TCF7L1: variants seen among roughly 807,000 people sequenced by gnomAD.
TCF7L1 encodes the protein transcription factor 7 like 1.
A neutral mutation model predicts 63.7 loss-of-function variants in TCF7L1; 18 were observed. The ratio of observed to expected loss-of-function variants is 0.28; its 90% CI spans 0.20 to 0.42. The LOEUF (loss-of-function observed/expected upper bound fraction) is 0.42. Ranked by LOEUF, TCF7L1 falls within the 10% of genes least tolerant of loss-of-function variation. TCF7L1 has a pLI of 1.00. For missense variants in TCF7L1, 654 were observed against 779.3 expected (o/e 0.84, Z 1.91); for synonymous variants, 355 against 340.9 (o/e 1.04, Z -0.46).
At chr2:85,298,310 G>A (rs1403420126) in intron 4 of TCF7L1, among the ~76,000 whole-genome samples, 2 of 151,494 alleles carry the variant, frequency 1.3e-5, no homozygotes, top group African/African-American at 2.4e-5. Flanking sequence ...GGCCAACATG[G>A]TGAAACCCCG....
intron 3 of TCF7L1, among the ~76,000 whole-genome samples, chr2:85,241,437 GTTTTTTTTT>G (rs772334481): frequency 2.4e-5 from 2 of 83,072 alleles, no homozygotes; most frequent in South Asian, 1.0e-3. Context: ...CTTTGTTTTT[GTTTTTTTTT>G]TTTTTTTTTT....
rs771681710 is a variant in TCF7L1, at chr2:85,134,430, T to C, written c.421T>C (p.Ser141Pro). Residue 141 changes from serine (S) to proline (P), a missense_variant, in exon 3 of 12, where the codon TCT becomes CCT. Ser to Pro is a moderately conservative substitution (Grantham distance 74). Coordinates refer to ENST00000282111, the MANE Select transcript of TCF7L1 (RefSeq NM_031283.3). The surrounding 1 kb of genome is among the most constrained non-coding windows in gnomAD (Gnocchi z 5.0). ...SSPYLSNGPL[S>P]PGGARTYLQM... ...CCCGTACCTCTCCAACGGACCCCTG[T>C]CTCCCGGAGGAGCGCGCACCGTGAG... 6.3e-5 allele frequency: 98 copies of C among 1,558,728 alleles called. No homozygotes were observed. Among genetic ancestry groups the C allele is most frequent in the Non-Finnish European group, 5.2e-6 (6 of 1,151,198 alleles).
Position 85,310,340 on chromosome 2 carries a change from G to GTTGT in TCF7L1, c.*881_*884dup, listed in dbSNP as rs1320001109. 1 of 152,546 alleles carries GTTGT rather than the reference G, an allele frequency of 6.6e-6. No homozygotes were observed. Among genetic ancestry groups the GTTGT allele is most frequent in the East Asian group, 1.9e-4 (1 of 5,202 alleles). 9.4% of individuals were successfully genotyped at this position (152,546 alleles called of 1,614,324 possible). ...GTTTTTGGAGCAATTTAAACTCCCA[G>GTTGT]TTGTTTATTTTCACAAAAGAAAATA... On this transcript the variant is annotated 3_prime_UTR_variant, in exon 12 of 12. Coordinates refer to ENST00000282111, the MANE Select transcript of TCF7L1 (RefSeq NM_031283.3).
rs562177932 is a variant in TCF7L1 at position 85,247,138 on chromosome 2, C to G, written c.442-36357C>G. Among the ~76,000 whole-genome samples, 5 of 152,294 alleles carry G rather than the reference C, an allele frequency of 3.3e-5. 1 individual carries two copies. Among genetic ancestry groups the G allele is most frequent in the African/African-American group, 1.2e-4 (5 of 41,540 alleles). On this transcript the variant is annotated intron_variant, in intron 3 of 11. Transcript: ENST00000282111. ...AAGTACACCATGCTAGTGAGCAGTTCAACAGAATCCATTTTCTTAGAGAAA... is the reference window on the plus strand; with the variant it reads ...AAGTACACCATGCTAGTGAGCAGTTGAACAGAATCCATTTTCTTAGAGAAA...
At chr2:85,229,327 C>CA (rs1680023436) in intron 3 of TCF7L1, among the ~76,000 whole-genome samples, 1 of 152,072 alleles carries the variant, frequency 6.6e-6, no homozygotes, top group South Asian at 2.1e-4. Flanking sequence ...AGCTGGGAGA[C>CA]AGAGCGAGAC....
At chr2:85,140,899 A>G (rs545260600) in intron 3 of TCF7L1, among the ~76,000 whole-genome samples, 11 of 95,094 alleles carry the variant, frequency 1.2e-4, no homozygotes, top group East Asian at 7.5e-4. Context: ...ATAAGAGCGA[A>G]AGAGAGAGAG....
At chr2:85,176,752 T>C (rs930404451) in intron 3 of TCF7L1, among the ~76,000 whole-genome samples, 11 of 152,148 alleles carry the variant, frequency 7.2e-5, no homozygotes, top group Non-Finnish European at 1.3e-4. Flanking sequence ...TTCAGGAGGC[T>C]GAAGCAGGTG....
Position 85,133,945 on chromosome 2 carries a change from C to T in TCF7L1, c.249+12C>T. On this transcript the variant is annotated intron_variant, in intron 1 of 11. Transcript: ENST00000282111. This position sits in a 1 kb window ranked among gnomAD's most constrained non-coding sequence, Gnocchi z 4.4. ...GCTCGGACTCGGAGGTAAGGAAGCA[C>T]CGCGGCCACCCCCGGGGGATCCCGG... 6.5e-7 allele frequency: 1 copy of T among 1,546,924 alleles called. No homozygotes were observed. Among genetic ancestry groups the T allele is most frequent in the Non-Finnish European group, 8.7e-7 (1 of 1,143,004 alleles).
At chr2:85,171,190 C>T (rs113994718) in intron 3 of TCF7L1, among the ~76,000 whole-genome samples, 1,670 of 152,318 alleles carry the variant, frequency 0.011, 36 homozygotes, top group African/African-American at 0.038. Context: ...TCTCATGAGA[C>T]TTATTCACTG....
chr2:85,207,243 ACCT>A (rs1679427487), intron 3 of TCF7L1, among the ~76,000 whole-genome samples: 1 of 152,160 alleles, frequency 6.6e-6, no homozygotes, highest in African/African-American at 2.4e-5. Flanking sequence ...ACTGCCTGTG[ACCT>A]ACCATGCACA....
At chr2:85,150,254 G>A (rs1300588612) in intron 3 of TCF7L1, among the ~76,000 whole-genome samples, 1 of 144,444 alleles carries the variant, frequency 6.9e-6, no homozygotes, top group Non-Finnish European at 1.5e-5. Context: ...TTTTTTTTGA[G>A]ACGGAGTCTC....
chr2:85,183,799 A>G (rs1378874631), intron 3 of TCF7L1, among the ~76,000 whole-genome samples: 1 of 152,212 alleles, frequency 6.6e-6, no homozygotes, highest in East Asian at 1.9e-4. Flanking sequence ...TACAGAGCCC[A>G]GCTCAGGATA....
chr2:85,271,839 T>C (rs1274782615), intron 3 of TCF7L1, among the ~76,000 whole-genome samples: 1 of 152,038 alleles, frequency 6.6e-6, no homozygotes, highest in African/African-American at 2.4e-5. Context: ...AACAGCACAG[T>C]TTTATGTTTT....
At chr2:85,224,088 T>C (rs1247025210) in intron 3 of TCF7L1, among the ~76,000 whole-genome samples, 1 of 152,222 alleles carries the variant, frequency 6.6e-6, no homozygotes, top group East Asian at 1.9e-4. Context: ...GTTTCCAGCT[T>C]CATCCATGTC....
At chr2:85,270,807 A>C (rs1343555580) in intron 3 of TCF7L1, among the ~76,000 whole-genome samples, 1 of 152,040 alleles carries the variant, frequency 6.6e-6, no homozygotes, top group Non-Finnish European at 1.5e-5. Flanking sequence ...CTCCCAGCTC[A>C]GCCTCTCGGG....
chr2:85,183,336 A>T (rs1039997828), intron 3 of TCF7L1, among the ~76,000 whole-genome samples: 4 of 152,134 alleles, frequency 2.6e-5, no homozygotes, highest in African/African-American at 9.7e-5. Context: ...CACCAAGGGG[A>T]GTCACCTAGG....
intron 3 of TCF7L1, among the ~76,000 whole-genome samples, chr2:85,211,150 C>T (rs1186321948): frequency 6.6e-6 from 1 of 152,194 alleles, no homozygotes; most frequent in African/African-American, 2.4e-5. Flanking sequence ...ATCCAGGGAT[C>T]CAATTGCTTT....
chr2:85,183,183 G>A (rs1174113174), intron 3 of TCF7L1, among the ~76,000 whole-genome samples: 1 of 152,142 alleles, frequency 6.6e-6, no homozygotes, highest in East Asian at 1.9e-4. Context: ...GTATCTGCCT[G>A]AAATACTAGA....
At chr2:85,159,850 T>C (rs542908378) in intron 3 of TCF7L1, among the ~76,000 whole-genome samples, 2 of 152,334 alleles carry the variant, frequency 1.3e-5, no homozygotes, top group East Asian at 3.9e-4. Flanking sequence ...CTTTCTCGTG[T>C]GCCAGGGGGA....
Sources: allele counts gnomAD v4.1 joint callset (sites outside exome capture counted in the v4.1 genomes callset), GRCh38; gene constraint gnomAD v4.1.1; non-coding constraint Gnocchi (gnomAD v3.1); transcripts MANE v1.5; gene names NCBI Gene and HGNC (gene_info 2026-07-23, HGNC 2026-07-21).